CHRAC1: variants seen among roughly 807,000 people sequenced by gnomAD.
CHRAC1 encodes the protein chromatin accessibility complex protein 1.
CHRAC1 carries 6 observed loss-of-function variants against 9.1 expected under a neutral mutation model. The observed-to-expected ratio is 0.66, with a 90% CI of 0.36 to 1.29. The LOEUF is 1.29. Among genes scored for constraint, CHRAC1 ranks in the 50% most tolerant of loss-of-function variants. CHRAC1 has a pLI of 0.03. For missense variants in CHRAC1, 168 were observed against 163.5 expected (o/e 1.03, Z -0.15); for synonymous variants, 73 against 64.5 (o/e 1.13, Z -0.63).
chr8:140,514,906 A>T (rs2072318258), intron 2 of CHRAC1: 1 of 455,300 alleles, frequency 2.2e-6, no homozygotes, highest in Non-Finnish European at 3.9e-6. Flanking sequence ...TCATAGAGAC[A>T]CCATGGTTTG....
At chr8:140,513,058 TC>T (rs1449323026) in intron 1 of CHRAC1, among the ~76,000 whole-genome samples, 1 of 152,344 alleles carries the variant, frequency 6.6e-6, no homozygotes, top group East Asian at 1.9e-4. Context: ...CCTCAGGTGA[TC>T]CGTCTGCCTC....
Position 140,516,309 on chromosome 8 carries a change from A to C in CHRAC1, c.*1062A>C, listed in dbSNP as rs2072336872. 6.6e-6 allele frequency: 1 copy of C among 151,500 alleles called. No homozygotes were observed. Among genetic ancestry groups the C allele is most frequent in the Non-Finnish European group, 1.5e-5 (1 of 67,898 alleles). The allele number at this position is 151,500 out of a possible 1,614,324, so 9.4% of individuals were successfully genotyped here. A position where few individuals can be genotyped will look rare whatever the true frequency, so the allele number is the denominator to read the frequency against. ...ATTACAGGCGTGTGCCACCATGCCC[A>C]ACCTATTTTTGTATTTTTTAGTAGA... is the stretch of plus-strand genomic sequence containing the variant. On this transcript the variant is annotated 3_prime_UTR_variant, in exon 3 of 3. Transcript: ENST00000220913.
intron 2 of CHRAC1, 195 bp from the exon 3 acceptor site, chr8:140,514,931 G>C (rs1241589510): frequency 1.9e-6 from 1 of 527,882 alleles, no homozygotes; most frequent in African/African-American, 1.9e-5. Context: ...CATTGGACTG[G>C]AAAGAGGCCT....
rs2072337180 is a variant in CHRAC1 at position 140,516,336 on chromosome 8, AC to A, written c.*1090del. The A allele has an allele frequency of 6.6e-6, 1 of 151,624 alleles. No homozygotes were observed. Among genetic ancestry groups the A allele is most frequent in the Admixed American group, 6.6e-5 (1 of 15,220 alleles). 9.4% of individuals were successfully genotyped at this position (151,624 alleles called of 1,614,324 possible). A position where few individuals can be genotyped will look rare whatever the true frequency, so the allele number is the denominator to read the frequency against. Reference sequence around the variant, plus strand: ...CCTATTTTTGTATTTTTTAGTAGAGACGGGGTTCACCATGTTGGCCAGGCTT... The same window carrying A: ...CCTATTTTTGTATTTTTTAGTAGAGAGGGGTTCACCATGTTGGCCAGGCTT... On this transcript the variant is annotated 3_prime_UTR_variant, in exon 3 of 3. Transcript: ENST00000220913.
chr8:140,513,909 A>AT (rs2072307158), intron 1 of CHRAC1, among the ~76,000 whole-genome samples: 1 of 95,324 alleles, frequency 1.0e-5, no homozygotes, highest in African/African-American at 4.2e-5. Context: ...TTCCCCAGTG[A>AT]TTTCTTTTTT....
Position 140,515,113 on chromosome 8 carries a change from T to A in CHRAC1, c.275-13T>A. The A allele has an allele frequency of 6.2e-7, 1 of 1,609,606 alleles. No individual in the cohort carries two copies. The highest frequency in any genetic ancestry group is 8.5e-7 in the Non-Finnish European group (1 of 1,176,616). ...CCATAACCAATTGCTGATGTACGCT[T>A]TATGTTTTTAAGATATATTACCAAA... On this transcript the variant is annotated splice_polypyrimidine_tract_variant and intron_variant, in intron 2 of 2. Coordinates refer to ENST00000220913, the MANE Select transcript of CHRAC1 (RefSeq NM_017444.6).
At chr8:140,514,766 C>T (rs944650367) in intron 2 of CHRAC1, 4 of 367,072 alleles carry the variant, frequency 1.1e-5, no homozygotes, top group African/African-American at 8.5e-5. Context: ...TTACTCTCTA[C>T]AGGGACCCTG....
chr8:140,514,056 C>T (rs1295383844), intron 1 of CHRAC1, among the ~76,000 whole-genome samples: 1 of 151,368 alleles, frequency 6.6e-6, no homozygotes, highest in Non-Finnish European at 1.5e-5. Context: ...CAGGCACCCG[C>T]CACCATGCCC....
At chr8:140,514,984 AC>A (rs1434087039) in intron 2 of CHRAC1, 141 bp from the exon 3 acceptor site, 2 of 794,456 alleles carry the variant, frequency 2.5e-6, no homozygotes, top group African/African-American at 3.5e-5. Context: ...TTGATATTTT[AC>A]CCAGAAATGC....
chr8:140,511,797 C>T, intron 1 of CHRAC1, 151 bp downstream of exon 1: 1 of 852,530 alleles, frequency 1.2e-6, no homozygotes, highest in Non-Finnish European at 1.7e-6. Flanking sequence ...CCCACGCCGG[C>T]GCGCGCTTCG....
At chr8:140,514,066 C>T (rs935270089) in intron 1 of CHRAC1, among the ~76,000 whole-genome samples, 1 of 151,816 alleles carries the variant, frequency 6.6e-6, no homozygotes, top group Non-Finnish European at 1.5e-5. Flanking sequence ...CCACCATGCC[C>T]AGCTAATTTT....
rs1397132731 is a variant in CHRAC1, at chr8:140,516,320, G to GTATT, written c.*1075_*1078dup. On this transcript the variant is annotated 3_prime_UTR_variant, in exon 3 of 3. Coordinates refer to ENST00000220913, the MANE Select transcript of CHRAC1 (RefSeq NM_017444.6). ...GTGCCACCATGCCCAACCTATTTTTGTATTTTTTAGTAGAGACGGGGTTCA... is the reference window on the plus strand; with the variant it reads ...GTGCCACCATGCCCAACCTATTTTTGTATTTATTTTTTAGTAGAGACGGGGTTCA... 1 of 151,338 alleles carries GTATT rather than the reference G, an allele frequency of 6.6e-6. No individual in the cohort carries two copies. Among genetic ancestry groups the GTATT allele is most frequent in the African/African-American group, 2.4e-5 (1 of 41,126 alleles). The allele number at this position is 151,338 out of a possible 1,614,324, so 9.4% of individuals were successfully genotyped here.
chr8:140,513,976 TG>T (rs2072308676), intron 1 of CHRAC1, among the ~76,000 whole-genome samples: 1 of 142,330 alleles, frequency 7.0e-6, no homozygotes, highest in African/African-American at 2.6e-5. Context: ...GCCAGAGTGC[TG>T]CAATCTCCAA....
intron 2 of CHRAC1, chr8:140,514,796 C>T (rs2072317337): frequency 2.8e-6 from 1 of 355,594 alleles, no homozygotes; most frequent in African/African-American, 2.1e-5. Context: ...GAAGGGAAAA[C>T]TCAGGGTGGG....
chr8:140,511,450 C>T lies in CHRAC1; in HGVS notation c.-50C>T. 1 of 1,289,420 alleles carries T rather than the reference C, an allele frequency of 7.8e-7. No individual in the cohort carries two copies. Among genetic ancestry groups the T allele is most frequent in the Non-Finnish European group, 9.9e-7 (1 of 1,007,092 alleles). 79.9% of individuals were successfully genotyped at this position (1,289,420 alleles called of 1,614,324 possible). A position where few individuals can be genotyped will look rare whatever the true frequency, so the allele number is the denominator to read the frequency against. Reference sequence around the variant, plus strand: ...ACCAGCTGGCCGGGCAGGGCAGCCACTTCGCGGTCGGGCCCGCCGGCTGCG... The same window carrying T: ...ACCAGCTGGCCGGGCAGGGCAGCCATTTCGCGGTCGGGCCCGCCGGCTGCG... On this transcript the variant is annotated 5_prime_UTR_variant, in exon 1 of 3. Transcript: ENST00000220913.
intron 1 of CHRAC1, chr8:140,511,904 C>G (rs1050055871): frequency 2.0e-6 from 2 of 991,758 alleles, no homozygotes; most frequent in African/African-American, 3.3e-5. Context: ...GCCTACCGCG[C>G]GCCTCTCCCG....
chr8:140,514,286 A>G, intron 1 of CHRAC1, 83 bp from the exon 2 acceptor site: 6 of 1,401,946 alleles, frequency 4.3e-6, no homozygotes, highest in Non-Finnish European at 5.8e-6. Flanking sequence ...TAATTAAGGA[A>G]TCAACAATGT....
In CHRAC1 at chr8:140,515,353, C is replaced by G; in HGVS notation, c.*106C>G. ...CGCTTTTAGCGTCTTCACTTCTTCACAGAGTTCCAGTGTGTGGTATTCTTT... is the reference window on the plus strand; with the variant it reads ...CGCTTTTAGCGTCTTCACTTCTTCAGAGAGTTCCAGTGTGTGGTATTCTTT... On this transcript the variant is annotated 3_prime_UTR_variant, in exon 3 of 3. Coordinates refer to ENST00000220913, the MANE Select transcript of CHRAC1 (RefSeq NM_017444.6). 1 of 1,205,518 alleles carries G rather than the reference C, an allele frequency of 8.3e-7. No individual in the cohort carries two copies. Among genetic ancestry groups the G allele is most frequent in the Non-Finnish European group, 1.2e-6 (1 of 849,160 alleles). The allele number at this position is 1,205,518 out of a possible 1,614,324, so 74.7% of individuals were successfully genotyped here.
chr8:140,514,965 C>A, intron 2 of CHRAC1, 161 bp from the exon 3 acceptor site: 1 of 687,360 alleles, frequency 1.5e-6, no homozygotes, highest in Non-Finnish European at 2.5e-6. Flanking sequence ...GGAGACAATG[C>A]TAGTTTCTTT....
Sources: gnomAD v4.1 joint callset for allele counts (sites outside exome capture counted in the v4.1 genomes callset) on GRCh38, gnomAD v4.1.1 for gene constraint, MANE v1.5 for transcripts, NCBI Gene and HGNC (gene_info 2026-07-23, HGNC 2026-07-21) for gene names.